The following ABHD3 variants were observed in gnomAD, a reference collection of about 807,000 sequenced individuals.
The protein encoded by ABHD3 is phospholipase ABHD3.
ABHD3 carries 46 observed loss-of-function variants against 48.8 expected under a neutral mutation model. The observed-to-expected ratio is 0.94, with a 90% CI of 0.74 to 1.20. The LOEUF (loss-of-function observed/expected upper bound fraction) is 1.20. Among genes scored for constraint, ABHD3 ranks in the 50% most tolerant of loss-of-function variants. ABHD3 has a pLI of 0.00. For synonymous variants in ABHD3, 192 were observed against 183.7 expected, an observed-to-expected ratio of 1.04 and a Z score of -0.36; for missense variants, 490 against 497.8, an observed-to-expected ratio of 0.98 and a Z score of 0.15.
intron 3 of ABHD3, among the ~76,000 whole-genome samples, chr18:21,696,819 T>G (rs1338626527): frequency 6.6e-6 from 1 of 152,102 alleles, no homozygotes; most frequent in Non-Finnish European, 1.5e-5. Context: ...TCCTCCTGCC[T>G]TAGCCTTCCA....
chr18:21,690,103 G>C (rs1464431734), intron 3 of ABHD3, among the ~76,000 whole-genome samples: 1 of 151,294 alleles, frequency 6.6e-6, no homozygotes, highest in Non-Finnish European at 1.5e-5. Flanking sequence ...TGGTGGGGTG[G>C]GGGAGCTTGT....
intron 8 of ABHD3, among the ~76,000 whole-genome samples, chr18:21,656,543 T>C (rs1183137392): frequency 6.6e-6 from 1 of 152,188 alleles, no homozygotes; most frequent in East Asian, 1.9e-4. Flanking sequence ...AGGCAAGTGA[T>C]AACAATATTC....
At position 21,702,414 on chromosome 18, in the gene ABHD3, G is replaced by A. The variant is rs2040532603; in HGVS notation, c.411C>T (p.Ser137=). 1 of 1,613,920 alleles carries A rather than the reference G, an allele frequency of 6.2e-7. No homozygotes were observed. Among genetic ancestry groups the A allele is most frequent in the African/African-American group, 1.3e-5 (1 of 74,912 alleles). ...NDNSTCYMDA[S]TRPTILLLPG... ...GCAACAATAAGATAGTAGGTCTGGTGCTGGCATCCATATAACACGTACTGT... is the reference window on the plus strand; with the variant it reads ...GCAACAATAAGATAGTAGGTCTGGTACTGGCATCCATATAACACGTACTGT... The change falls in exon 3 of 9, where the codon AGC becomes AGT. Residue 137 remains serine (S), a synonymous_variant. Coordinates refer to ENST00000289119, the MANE Select transcript of ABHD3 (RefSeq NM_138340.5).
chr18:21,672,685 T>C (rs577218920), intron 4 of ABHD3, among the ~76,000 whole-genome samples: 1 of 152,314 alleles, frequency 6.6e-6, no homozygotes, highest in Non-Finnish European at 1.5e-5. Context: ...ATTCCACCCA[T>C]CCCCTGTCCA....
At position 21,680,091 on chromosome 18, in the gene ABHD3, G is replaced by A. The variant is rs1202149153; in HGVS notation, c.555+3829C>T. On this transcript the variant is annotated intron_variant, in intron 4 of 8. Coordinates refer to ENST00000289119, the MANE Select transcript of ABHD3 (RefSeq NM_138340.5). ...TGCAGTGATGCCATCTTGGCTCACT[G>A]CAACCTCCACCTCCTGGGTTCAAAT... 6.6e-5 allele frequency among the ~76,000 whole-genome samples: 10 copies of A among 152,112 alleles called. 1 individual carries two copies. In the South Asian group the frequency reaches 1.9e-3, roughly 28 times the overall value.
Position 21,702,381 on chromosome 18 carries a change from G to A in ABHD3, c.444C>T (p.Leu148=). The part of the protein sequence containing the change: ...TRPTILLLPG[L]TGTSKESYIL... ...TATATGACTCCTTGCTTGTTCCCGT[G>A]AGGCCAGGCAACAATAAGATAGTAG... The change falls in exon 3 of 9, where the codon CTC becomes CTT. Residue 148 remains leucine (L), a synonymous_variant. Coordinates refer to ENST00000289119, the MANE Select transcript of ABHD3 (RefSeq NM_138340.5). 6.2e-7 allele frequency: 1 copy of A among 1,613,950 alleles called. No individual in the cohort carries two copies.
chr18:21,679,558 TCGCTCTGTCGCC>T, intron 4 of ABHD3, among the ~76,000 whole-genome samples: 1 of 152,372 alleles, frequency 6.6e-6, no homozygotes, highest in East Asian at 1.9e-4. Context: ...AGACGGAGTC[TCGCTCTGTCGCC>T]CAGGCTGGAG....
In ABHD3 at chr18:21,697,577, C is replaced by T. The variant is rs556341881; in HGVS notation, c.509+4739G>A. Reference sequence around the variant, plus strand: ...TGTATTTTTAGTAGAAACAAGGTTTCGCCATGTTGGCCAGGCTGGTCTCAA... The same window carrying T: ...TGTATTTTTAGTAGAAACAAGGTTTTGCCATGTTGGCCAGGCTGGTCTCAA... On this transcript the variant is annotated intron_variant, in intron 3 of 8. Coordinates refer to ENST00000289119, the MANE Select transcript of ABHD3 (RefSeq NM_138340.5). Among the ~76,000 whole-genome samples the T allele has an allele frequency of 4.6e-5, 7 of 152,230 alleles. No individual in the cohort carries two copies. The South Asian group carries it at 6.2e-4, about 14-fold the overall frequency.
chr18:21,668,808 T>C (rs2039694545), intron 4 of ABHD3, among the ~76,000 whole-genome samples: 1 of 152,200 alleles, frequency 6.6e-6, no homozygotes, highest in African/African-American at 2.4e-5. Flanking sequence ...AGTGTGGATT[T>C]CTGGCACTGC....
chr18:21,695,272 C>T (rs563350723), intron 3 of ABHD3, among the ~76,000 whole-genome samples: 22 of 152,260 alleles, frequency 1.4e-4, no homozygotes, highest in Admixed American at 7.8e-4. Context: ...TCAAGTGATC[C>T]GCCTGCCTTA....
chr18:21,696,188 G>C (rs2040366534), intron 3 of ABHD3, among the ~76,000 whole-genome samples: 1 of 148,024 alleles, frequency 6.8e-6, no homozygotes. Context: ...CTGTTGCCCA[G>C]ACTGGAGTGC....
intron 5 of ABHD3, chr18:21,663,618 A>G: frequency 6.7e-7 from 1 of 1,495,304 alleles, no homozygotes; most frequent in South Asian, 1.2e-5. Context: ...AGTTTCTAGG[A>G]GAGCACTCCA....
intron 3 of ABHD3, among the ~76,000 whole-genome samples, chr18:21,684,577 C>T (rs1483793838): frequency 6.6e-6 from 1 of 152,092 alleles, no homozygotes; most frequent in African/African-American, 2.4e-5. Context: ...CCCACCTCGG[C>T]CTCCCAAAGT....
At chr18:21,658,592 T>C (rs1458357522) in intron 6 of ABHD3, among the ~76,000 whole-genome samples, 1 of 152,212 alleles carries the variant, frequency 6.6e-6, no homozygotes, top group Non-Finnish European at 1.5e-5. Flanking sequence ...GGGCACATAC[T>C]TCAGGGGTTG....
At chr18:21,703,877 G>T in intron 1 of ABHD3, 130 bp from the exon 2 acceptor site, 1 of 986,372 alleles carries the variant, frequency 1.0e-6, no homozygotes, top group Non-Finnish European at 1.5e-6. Flanking sequence ...GAGGGCTGAC[G>T]CAAAAAATTC....
At chr18:21,672,925 G>T (rs188521091) in intron 4 of ABHD3, among the ~76,000 whole-genome samples, 22 of 152,186 alleles carry the variant, frequency 1.4e-4, no homozygotes, top group African/African-American at 5.1e-4. Context: ...TAAAACAAAG[G>T]GCCCCAGGAA....
chr18:21,695,011 T>C (rs1489825431), intron 3 of ABHD3, among the ~76,000 whole-genome samples: 2 of 152,122 alleles, frequency 1.3e-5, no homozygotes, highest in South Asian at 4.1e-4. Context: ...AATTGGGACA[T>C]GGCTGTCCAA....
At chr18:21,689,987 A>G (rs565328705) in intron 3 of ABHD3, among the ~76,000 whole-genome samples, 2 of 152,220 alleles carry the variant, frequency 1.3e-5, no homozygotes, top group African/African-American at 4.8e-5. Flanking sequence ...ACAGGAAAAC[A>G]TGACCCACAC....
At chr18:21,684,643 G>GA (rs2040090214) in intron 3 of ABHD3, among the ~76,000 whole-genome samples, 1 of 151,998 alleles carries the variant, frequency 6.6e-6, no homozygotes, top group Non-Finnish European at 1.5e-5. Flanking sequence ...TTTAAACAAA[G>GA]AAAAAATATA....
Sources: gnomAD v4.1 joint callset for allele counts (sites outside exome capture counted in the v4.1 genomes callset) on GRCh38, gnomAD v4.1.1 for gene constraint, MANE v1.5 for transcripts, NCBI Gene and HGNC (gene_info 2026-07-23, HGNC 2026-07-21) for gene names.